The following EPHA5 variants were observed in gnomAD, a reference collection of about 807,000 sequenced individuals.
The protein encoded by EPHA5 is ephrin type-A receptor 5.
Under a neutral mutation model 105.0 loss-of-function variants are expected in EPHA5, and 60 were observed. The observed-to-expected ratio is 0.57, with a 90% CI of 0.46 to 0.71. The LOEUF is 0.71. EPHA5 is among the 30% of genes least tolerant of loss of function. EPHA5 has a pLI of 0.00. For synonymous variants in EPHA5, 513 were observed against 449.1 expected (o/e 1.14, Z -1.80); for missense variants, 1,218 against 1,274.7 (o/e 0.96, Z 0.68).
chr4:65,531,647 A>C (rs113304618), intron 3 of EPHA5, among the ~76,000 whole-genome samples: 4 of 150,676 alleles, frequency 2.7e-5, no homozygotes, highest in East Asian at 4.0e-4. Flanking sequence ...GCAGAATGAC[A>C]ATGATCCAGG....
At chr4:65,446,759 A>G (rs1011523077) in intron 5 of EPHA5, among the ~76,000 whole-genome samples, 7 of 152,184 alleles carry the variant, frequency 4.6e-5, no homozygotes, top group Non-Finnish European at 1.0e-4. Flanking sequence ...GGGTCATTGT[A>G]TGATATTGAG....
At position 65,351,585 on chromosome 4, in the gene EPHA5, T is replaced by A; in HGVS notation, c.2249A>T (p.Gln750Leu). 6.2e-7 allele frequency: 1 copy of A among 1,613,482 alleles called. No homozygotes were observed. Among genetic ancestry groups the A allele is most frequent in the Non-Finnish European group, 8.5e-7 (1 of 1,179,622 alleles). The change falls in exon 13 of 17, where the codon CAG becomes CTG. Residue 750 changes from glutamine to leucine, a missense_variant. Transcript: ENST00000613740. ...GCCAACAAGCTGAATCACAGTGAAC[T>A]GCCCATCGTTTTTCTGTAAAGACAA... is the stretch of plus-strand genomic sequence containing the variant. ...LDTFLKKNDG[Q>L]FTVIQLVGML...
intron 1 of EPHA5, among the ~76,000 whole-genome samples, chr4:65,647,701 A>G (rs1365808422): frequency 6.6e-6 from 1 of 152,154 alleles, no homozygotes; most frequent in East Asian, 1.9e-4. Flanking sequence ...ATTTTAAAAT[A>G]CAGTCATACC....
intron 2 of EPHA5, among the ~76,000 whole-genome samples, chr4:65,637,116 T>C (rs920313323): frequency 5.9e-5 from 9 of 151,968 alleles, no homozygotes; most frequent in Non-Finnish European, 1.2e-4. Flanking sequence ...GTCTGTCACA[T>C]ATGTAACAGT....
intron 3 of EPHA5, among the ~76,000 whole-genome samples, chr4:65,578,681 G>A (rs1233568152): frequency 6.6e-6 from 1 of 152,108 alleles, no homozygotes; most frequent in East Asian, 1.9e-4. Context: ...TTAAAAAGAC[G>A]AGAGTACCGA....
Position 65,599,348 on chromosome 4 carries a change from A to AACACACACACACAC in EPHA5, c.910+2279_910+2292dup, listed in dbSNP as rs71657190. On this transcript the variant is annotated intron_variant, in intron 3 of 16. Transcript: ENST00000613740. ...AGCTAGAGTCATGGTGGCATTTTAT[A>AACACACACACACAC]ACACACACACACACACACACACACA... Among the ~76,000 whole-genome samples, 1,463 of 148,654 alleles carry AACACACACACACAC rather than the reference A, an allele frequency of 9.8e-3. 10 individuals carry two copies. The highest frequency in any genetic ancestry group is 0.025 in the East Asian group (124 of 4,942).
chr4:65,664,537 C>T (rs1224984734), intron 1 of EPHA5, among the ~76,000 whole-genome samples: 1 of 151,860 alleles, frequency 6.6e-6, no homozygotes, highest in Non-Finnish European at 1.5e-5. Flanking sequence ...AAGGATAGAA[C>T]ATATGATAAA....
At chr4:65,525,465 A>C (rs1285127454) in intron 3 of EPHA5, among the ~76,000 whole-genome samples, 1 of 151,800 alleles carries the variant, frequency 6.6e-6, no homozygotes, top group African/African-American at 2.4e-5. Context: ...CCCTGTCTAC[A>C]GTGGGGATCA....
intron 5 of EPHA5, among the ~76,000 whole-genome samples, chr4:65,459,057 A>G (rs924081496): frequency 1.3e-5 from 2 of 152,084 alleles, no homozygotes; most frequent in Non-Finnish European, 2.9e-5. Context: ...CCTGCAAACA[A>G]GATAAGCAAG....
intron 3 of EPHA5, among the ~76,000 whole-genome samples, chr4:65,600,780 C>T (rs1419621976): frequency 6.6e-6 from 1 of 152,036 alleles, no homozygotes; most frequent in Non-Finnish European, 1.5e-5. Context: ...TAAAAACATG[C>T]TGCTTTCTTT....
At chr4:65,329,036 A>G (rs565787029) in intron 16 of EPHA5, among the ~76,000 whole-genome samples, 11 of 151,268 alleles carry the variant, frequency 7.3e-5, no homozygotes, top group Non-Finnish European at 1.5e-4. Context: ...TTTTCTGAAT[A>G]ACCAAAGGCT....
chr4:65,534,189 A>G (rs1736083728), intron 3 of EPHA5, among the ~76,000 whole-genome samples: 1 of 152,154 alleles, frequency 6.6e-6, no homozygotes, highest in African/African-American at 2.4e-5. Flanking sequence ...CATTCTATGA[A>G]AGTAATTGTG....
At chr4:65,632,285 C>T (rs570423125) in intron 2 of EPHA5, among the ~76,000 whole-genome samples, 254 of 152,048 alleles carry the variant, frequency 1.7e-3, no homozygotes, top group African/African-American at 5.9e-3. Context: ...GGAGTAGCCC[C>T]ATTGTTGTGT....
At chr4:65,433,927 C>T (rs561811376) in intron 5 of EPHA5, among the ~76,000 whole-genome samples, 1 of 152,128 alleles carries the variant, frequency 6.6e-6, no homozygotes, top group South Asian at 2.1e-4. Context: ...TCCTGTAATC[C>T]CAGCTACAAC....
At chr4:65,619,712 A>ATT (rs1470091889) in intron 2 of EPHA5, among the ~76,000 whole-genome samples, 1 of 152,002 alleles carries the variant, frequency 6.6e-6, no homozygotes, top group Non-Finnish European at 1.5e-5. Flanking sequence ...CTCATTAATT[A>ATT]TTATATATAT....
intron 5 of EPHA5, among the ~76,000 whole-genome samples, chr4:65,483,645 T>G (rs2149195268): frequency 6.6e-6 from 1 of 152,284 alleles, no homozygotes; most frequent in East Asian, 1.9e-4. Flanking sequence ...CAAAAAAAAT[T>G]TGCGTAAGTA....
chr4:65,442,681 A>C (rs894939284), intron 5 of EPHA5, among the ~76,000 whole-genome samples: 29 of 152,218 alleles, frequency 1.9e-4, no homozygotes, highest in African/African-American at 6.8e-4. Flanking sequence ...TTGCATTATT[A>C]AATTTCTGAG....
chr4:65,637,002 G>A (rs990119660), intron 2 of EPHA5, among the ~76,000 whole-genome samples: 8 of 151,952 alleles, frequency 5.3e-5, no homozygotes, highest in Non-Finnish European at 8.8e-5. Context: ...ACATAGTACT[G>A]CTAGATATGT....
Position 65,322,253 on chromosome 4 carries a change from G to C in EPHA5, c.*1861C>G. ...TGATGTTTCCTGGTTCTTTAGAAAAGAGGTACTTTACTGCTTAAGTAAAGG... is the reference window on the plus strand; with the variant it reads ...TGATGTTTCCTGGTTCTTTAGAAAACAGGTACTTTACTGCTTAAGTAAAGG... On this transcript the variant is annotated 3_prime_UTR_variant, in exon 17 of 17. Coordinates refer to ENST00000613740, the MANE Select transcript of EPHA5 (RefSeq NM_001281766.3). 1 of 223,834 alleles carries C rather than the reference G, an allele frequency of 4.5e-6. No homozygotes were observed. The highest frequency in any genetic ancestry group is 8.9e-6 in the Non-Finnish European group (1 of 112,036). The allele number at this position is 223,834 out of a possible 1,614,324, so 13.9% of individuals were successfully genotyped here. A position where few individuals can be genotyped will look rare whatever the true frequency, so the allele number is the denominator to read the frequency against.
Sources: allele counts gnomAD v4.1 joint callset (sites outside exome capture counted in the v4.1 genomes callset), GRCh38; gene constraint gnomAD v4.1.1; transcripts MANE v1.5; gene names NCBI Gene and HGNC (gene_info 2026-07-23, HGNC 2026-07-21).